TG: variants seen among roughly 807,000 people sequenced by gnomAD.
The protein encoded by TG is thyroglobulin, also known as thyroid hormones.
In TG, 270 loss-of-function variants were observed where a neutral mutation model predicts 324.7. The ratio of observed to expected loss-of-function variants is 0.83; its 90% CI spans 0.75 to 0.92. The LOEUF (loss-of-function observed/expected upper bound fraction) is 0.92, where lower values mean the gene tolerates loss of function less well. TG is among the 40% of genes least tolerant of loss of function. The probability of loss-of-function intolerance (pLI) is 0.00; values close to 1 mark genes in which losing one functional copy is unlikely to be tolerated. For synonymous variants in TG, 1,401 were observed against 1,327.0 expected (o/e 1.06, Z -1.21); for missense variants, 3,591 against 3,456.4 (o/e 1.04, Z -0.98).
In TG at chr8:133,093,129, C is replaced by T. The variant is rs566038724; in HGVS notation, c.7240-1915C>T. On this transcript the variant is annotated intron_variant, in intron 41 of 47. Transcript: ENST00000220616. The stretch of plus-strand genomic sequence containing the variant: ...AGTGTGTGTGTGTGTGTTTTCTTTT[C>T]TTTTCTTTTCTTTTTTTTTTTTAAT... Among the ~76,000 whole-genome samples, 26 of 71,384 alleles carry T rather than the reference C, an allele frequency of 3.6e-4. No homozygotes were observed. In the South Asian group the frequency reaches 8.7e-3, roughly 24 times the overall value. The allele number at this position is 71,384 out of a possible 152,430, so 46.8% of individuals were successfully genotyped here.
intron 31 of TG, among the ~76,000 whole-genome samples, chr8:132,969,041 G>A (rs1305821917): frequency 1.3e-5 from 2 of 152,016 alleles, no homozygotes; most frequent in Non-Finnish European, 2.9e-5. Flanking sequence ...GCATCTAGAG[G>A]CCAAATAGCT....
chr8:132,997,359 A>G lies in TG; in HGVS notation c.6262+13947A>G, dbSNP rs148080521. 4.6e-3 allele frequency among the ~76,000 whole-genome samples: 701 copies of G among 152,360 alleles called. 4 individuals carry two copies. Among genetic ancestry groups the G allele is most frequent in the Non-Finnish European group, 6.6e-3 (449 of 68,040 alleles). On this transcript the variant is annotated intron_variant, in intron 35 of 47. Transcript: ENST00000220616. The stretch of plus-strand genomic sequence containing the variant: ...TGGAGGTGTCCAGGAAGCACCGAAT[A>G]TATAAGCATGGAGCTTGGGCAGAGG...
intron 41 of TG, among the ~76,000 whole-genome samples, chr8:133,055,365 GCACACACACACA>G (rs869172140): frequency 0.019 from 1,157 of 62,260 alleles, 13 homozygotes; most frequent in African/African-American, 0.11. Flanking sequence ...ACGCACGCGC[GCACACACACACA>G]CACACACACA....
At chr8:132,898,767 A>G (rs1346243961) in intron 13 of TG, 31 bp from the exon 14 acceptor site, 1 of 1,604,768 alleles carries the variant, frequency 6.2e-7, no homozygotes, top group African/African-American at 1.3e-5. Context: ...TCCCACGACC[A>G]GTCCTTTACA....
At chr8:132,896,224 T>C (rs1389292461) in intron 11 of TG, among the ~76,000 whole-genome samples, 1 of 152,132 alleles carries the variant, frequency 6.6e-6, no homozygotes, top group African/African-American at 2.4e-5. Flanking sequence ...CTCAGAGAGG[T>C]TGGGCAACTT....
chr8:133,128,455 C>T (rs2130365312), intron 45 of TG, among the ~76,000 whole-genome samples: 1 of 152,008 alleles, frequency 6.6e-6, no homozygotes, highest in Admixed American at 6.6e-5. Flanking sequence ...TCAACTTCAG[C>T]AACCTTAACT....
At chr8:133,050,904 C>G (rs148579032) in intron 41 of TG, 1 of 1,611,896 alleles carries the variant, frequency 6.2e-7, no homozygotes, top group Non-Finnish European at 8.5e-7. Flanking sequence ...GCAAGGAAGT[C>G]GCTATCCAGT....
At chr8:132,952,792 T>A (rs1826305147) in intron 27 of TG, among the ~76,000 whole-genome samples, 1 of 152,224 alleles carries the variant, frequency 6.6e-6, no homozygotes, top group Non-Finnish European at 1.5e-5. Context: ...TATCACAATT[T>A]CACTCATGAG....
At chr8:132,898,017 T>C in intron 12 of TG, 152 bp from the exon 13 acceptor site, 1 of 905,084 alleles carries the variant, frequency 1.1e-6, no homozygotes, top group South Asian at 1.4e-5. Flanking sequence ...ATCAGAGTGA[T>C]TGTGGACAAT....
At chr8:132,994,715 G>A (rs1286794072) in intron 35 of TG, 2 of 1,288,552 alleles carry the variant, frequency 1.6e-6, no homozygotes, top group Admixed American at 2.3e-5. Context: ...CTTCTCCCCA[G>A]TGTTTAAAGT....
At chr8:132,962,145 A>AGGG (rs1429617738) in intron 28 of TG, among the ~76,000 whole-genome samples, 1 of 152,190 alleles carries the variant, frequency 6.6e-6, no homozygotes, top group Non-Finnish European at 1.5e-5. Context: ...GAGGAGGAGG[A>AGGG]GGAAGAGGAG....
intron 43 of TG, among the ~76,000 whole-genome samples, chr8:133,111,960 G>A (rs1850279528): frequency 6.6e-6 from 1 of 152,238 alleles, no homozygotes; most frequent in African/African-American, 2.4e-5. Context: ...TCAGCCGGGT[G>A]GAGAGTCAGC....
At chr8:132,884,093 T>C (rs967454392) in intron 8 of TG, among the ~76,000 whole-genome samples, 5 of 152,240 alleles carry the variant, frequency 3.3e-5, no homozygotes, top group Admixed American at 6.5e-5. Flanking sequence ...TCTTCTCCTC[T>C]TCTTACAAGG....
intron 40 of TG, among the ~76,000 whole-genome samples, chr8:133,026,583 A>T (rs73359382): frequency 6.6e-6 from 1 of 152,174 alleles, no homozygotes; most frequent in East Asian, 1.9e-4. Flanking sequence ...CAGACGGGAC[A>T]CAGGAGGATA....
chr8:133,018,231 T>TG (rs143624538), intron 38 of TG, among the ~76,000 whole-genome samples: 13,932 of 152,294 alleles, frequency 0.091, 824 homozygotes, highest in Middle Eastern at 0.15. Flanking sequence ...GGGGCCTGTA[T>TG]GCTCTGCTCC....
At chr8:132,943,244 C>T (rs1383203348) in intron 26 of TG, among the ~76,000 whole-genome samples, 1 of 152,058 alleles carries the variant, frequency 6.6e-6, no homozygotes, top group Non-Finnish European at 1.5e-5. Flanking sequence ...TTGGTGCTAT[C>T]CTCGTGACAG....
intron 4 of TG, 130 bp from the exon 5 acceptor site, chr8:132,872,932 T>C: frequency 2.9e-6 from 3 of 1,037,346 alleles, no homozygotes; most frequent in Non-Finnish European, 4.3e-6. Flanking sequence ...CACACGACAA[T>C]GAAACCGCCG....
chr8:133,006,405 T>G (rs1390015896), intron 35 of TG, among the ~76,000 whole-genome samples: 1 of 152,244 alleles, frequency 6.6e-6, no homozygotes, highest in Non-Finnish European at 1.5e-5. Context: ...TTTGGAATTC[T>G]TGTCACATTT....
intron 34 of TG, among the ~76,000 whole-genome samples, chr8:132,973,988 C>CTT (rs869164425): frequency 2.0e-3 from 231 of 112,950 alleles, no homozygotes; most frequent in Middle Eastern, 0.011. Context: ...TTGACCATTC[C>CTT]TTTTTTTTTT....
Sources: gnomAD v4.1 joint callset for allele counts (sites outside exome capture counted in the v4.1 genomes callset) on GRCh38, gnomAD v4.1.1 for gene constraint, MANE v1.5 for transcripts, NCBI Gene and HGNC (gene_info 2026-07-23, HGNC 2026-07-21) for gene names.